POC1A: variants seen among roughly 807,000 people sequenced by gnomAD.
POC1A encodes the protein POC1 centriolar protein homolog A.
In POC1A, 34 loss-of-function variants were observed where a neutral mutation model predicts 47.8. The ratio of observed to expected loss-of-function variants is 0.71; its 90% CI spans 0.54 to 0.95. The LOEUF is 0.95. Ranked by LOEUF, POC1A falls within the 40% of genes least tolerant of loss-of-function variation. POC1A has a pLI of 0.00. For synonymous variants in POC1A, 177 were observed against 207.6 expected (o/e 0.85, Z 1.27); for missense variants, 466 against 528.3 (o/e 0.88, Z 1.16).
At chr3:52,128,474 G>A (rs1030917488) in intron 7 of POC1A, among the ~76,000 whole-genome samples, 1 of 151,396 alleles carries the variant, frequency 6.6e-6, no homozygotes, top group African/African-American at 2.4e-5. Flanking sequence ...AACAGTGCCT[G>A]TTTACCAAGA....
chr3:52,095,564 G>A (rs890457884), intron 10 of POC1A, among the ~76,000 whole-genome samples: 2 of 151,460 alleles, frequency 1.3e-5, no homozygotes, highest in Admixed American at 1.3e-4. Flanking sequence ...TTTCCTCGTG[G>A]GCCACATGTG....
chr3:52,080,603 T>C (rs1702249661), intron 10 of POC1A, among the ~76,000 whole-genome samples: 1 of 152,140 alleles, frequency 6.6e-6, no homozygotes. Context: ...ATAAGGATAA[T>C]TCATGTGAGC....
rs1553738684 is a variant in POC1A at position 52,096,726 on chromosome 3, G to A, written c.982-14C>T. On this transcript the variant is annotated splice_polypyrimidine_tract_variant and intron_variant, in intron 9 of 10. Coordinates refer to ENST00000296484, the MANE Select transcript of POC1A (RefSeq NM_015426.5). ...GTCCACTTCTGGCTAAAGACAGAAA[G>A]AAAAAAGTTCCTCAGTCTATCCAGT... 14 of 1,565,144 alleles carry A rather than the reference G, an allele frequency of 8.9e-6. No homozygotes were observed. Among genetic ancestry groups the A allele is most frequent in the Admixed American group, 8.0e-5 (4 of 50,192 alleles).
chr3:52,124,818 C>A (rs550108309), intron 8 of POC1A, among the ~76,000 whole-genome samples: 59 of 152,222 alleles, frequency 3.9e-4, no homozygotes, highest in African/African-American at 1.3e-3. Flanking sequence ...AACTAAAAAA[C>A]CAACTTTTCA....
At chr3:52,077,169 G>C (rs1054722425) in intron 10 of POC1A, among the ~76,000 whole-genome samples, 1 of 152,238 alleles carries the variant, frequency 6.6e-6, no homozygotes, top group Non-Finnish European at 1.5e-5. Flanking sequence ...GAGCCCATGT[G>C]AGTATGGCAG....
chr3:52,081,460 AG>A (rs1423852527), intron 10 of POC1A, among the ~76,000 whole-genome samples: 1 of 152,224 alleles, frequency 6.6e-6, no homozygotes, highest in African/African-American at 2.4e-5. Context: ...TCAACGAGGC[AG>A]ATGCCACGCA....
chr3:52,128,503 T>C (rs986618645), intron 7 of POC1A, among the ~76,000 whole-genome samples: 9 of 152,186 alleles, frequency 5.9e-5, no homozygotes, highest in African/African-American at 1.9e-4. Context: ...CAGCCCCTGC[T>C]CCAGGTACCT....
intron 4 of POC1A, 85 bp from the exon 5 acceptor site, chr3:52,147,180 G>T: frequency 1.9e-6 from 2 of 1,074,692 alleles, no homozygotes; most frequent in African/African-American, 1.6e-5. Context: ...ACTCTTCCCC[G>T]AGTGCCTACT....
At chr3:52,094,697 T>C (rs1463019773) in intron 10 of POC1A, among the ~76,000 whole-genome samples, 4 of 152,244 alleles carry the variant, frequency 2.6e-5, no homozygotes, top group Admixed American at 6.5e-5. Flanking sequence ...CCTCGCTTTA[T>C]GGCATCCAGA....
chr3:52,076,063 A>G, intron 10 of POC1A, 78 bp from the exon 11 acceptor site: 2 of 1,110,336 alleles, frequency 1.8e-6, no homozygotes, highest in Non-Finnish European at 1.4e-6. Flanking sequence ...GCCAGTCCCC[A>G]CTTGGCTGCC....
chr3:52,091,091 A>C (rs1013782109), intron 10 of POC1A, among the ~76,000 whole-genome samples: 2 of 152,160 alleles, frequency 1.3e-5, no homozygotes, highest in Non-Finnish European at 2.9e-5. Flanking sequence ...CAACTTTCTC[A>C]GAAGACTTGA....
chr3:52,114,905 C>T (rs982119078), intron 9 of POC1A, among the ~76,000 whole-genome samples: 2 of 152,154 alleles, frequency 1.3e-5, no homozygotes, highest in African/African-American at 2.4e-5. Context: ...TCATTCACAC[C>T]GATAAAAAGG....
intron 7 of POC1A, among the ~76,000 whole-genome samples, chr3:52,137,399 G>A (rs1237425322): frequency 6.6e-6 from 1 of 152,150 alleles, no homozygotes; most frequent in Non-Finnish European, 1.5e-5. Flanking sequence ...CAGCATGGCA[G>A]GCAGATTAGA....
At chr3:52,103,900 G>A (rs1048873953) in intron 9 of POC1A, among the ~76,000 whole-genome samples, 5 of 152,130 alleles carry the variant, frequency 3.3e-5, no homozygotes, top group East Asian at 1.9e-4. Flanking sequence ...TGGCACGAAC[G>A]TAAGATGGCA....
chr3:52,138,367 C>A, intron 6 of POC1A, 65 bp from the exon 7 acceptor site: 1 of 1,543,700 alleles, frequency 6.5e-7, no homozygotes, highest in Non-Finnish European at 8.8e-7. Context: ...AAGCCCAAGA[C>A]GGGCAATCAG....
At chr3:52,078,027 C>T (rs1702171103) in intron 10 of POC1A, among the ~76,000 whole-genome samples, 1 of 152,204 alleles carries the variant, frequency 6.6e-6, no homozygotes, top group Admixed American at 6.5e-5. Context: ...AAGGGTGCCA[C>T]CCCGTTGAGG....
intron 3 of POC1A, 113 bp downstream of exon 3, chr3:52,149,703 G>T: frequency 2.0e-6 from 2 of 1,016,464 alleles, no homozygotes; most frequent in Non-Finnish European, 2.9e-6. Context: ...TTCCAAAGCA[G>T]AGTAGAAGTC....
chr3:52,142,269 A>G (rs1308523288), intron 6 of POC1A, among the ~76,000 whole-genome samples: 3 of 152,214 alleles, frequency 2.0e-5, no homozygotes, highest in Non-Finnish European at 4.4e-5. Flanking sequence ...AACAGTCTTA[A>G]CGTGGGCTCA....
intron 10 of POC1A, among the ~76,000 whole-genome samples, chr3:52,094,293 T>G (rs1303941185): frequency 6.6e-6 from 1 of 152,148 alleles, no homozygotes; most frequent in African/African-American, 2.4e-5. Flanking sequence ...GAAGCCCAGC[T>G]GAACAAGCCG....
Sources: gnomAD v4.1 joint callset for allele counts (sites outside exome capture counted in the v4.1 genomes callset) on GRCh38, gnomAD v4.1.1 for gene constraint, MANE v1.5 for transcripts, NCBI Gene and HGNC (gene_info 2026-07-23, HGNC 2026-07-21) for gene names.